The following SLC25A24 variants were observed in gnomAD, a reference collection of about 807,000 sequenced individuals.
SLC25A24 encodes mitochondrial adenyl nucleotide antiporter SLC25A24.
SLC25A24 carries 49 observed loss-of-function variants against 60.7 expected under a neutral mutation model. That is an observed-to-expected ratio of 0.81 (90% confidence interval 0.64 to 1.02). SLC25A24 has a LOEUF of 1.02. Ranked by LOEUF, SLC25A24 falls within the 50% of genes least tolerant of loss-of-function variation. The probability of loss-of-function intolerance (pLI) is 0.00; values close to 1 mark genes in which losing one functional copy is unlikely to be tolerated. For missense variants in SLC25A24, 564 were observed against 586.3 expected (o/e 0.96, Z 0.39); for synonymous variants, 202 against 200.6 (o/e 1.01, Z -0.06).
chr1:108,161,668 T>C (rs1370992265), intron 3 of SLC25A24, among the ~76,000 whole-genome samples: 1 of 152,254 alleles, frequency 6.6e-6, no homozygotes, highest in African/African-American at 2.4e-5. Context: ...AGATAATTCT[T>C]AATGTTCTAT....
intron 4 of SLC25A24, among the ~76,000 whole-genome samples, chr1:108,160,232 C>A (rs1443323928): frequency 6.6e-6 from 1 of 151,818 alleles, no homozygotes; most frequent in African/African-American, 2.4e-5. Context: ...TCCTCACATC[C>A]CAGACGGGGC....
Position 108,143,660 on chromosome 1 carries a change from T to C in SLC25A24, c.981A>G (p.Ile327Met), listed in dbSNP as rs1679508432. ...TCAAAATCTTCTTGGCACAATCATA[T>C]ATTCCAGAGTACTGCCCAGTTTTGC... Reference protein sequence around the residue: ...AVGKTGQYSGIYDCAKKILKH... With the variant: ...AVGKTGQYSGMYDCAKKILKH... Residue 327 changes from isoleucine to methionine, a missense_variant, in exon 8 of 10, where the codon ATA (isoleucine) becomes ATG (methionine). Ile to Met is a conservative substitution (Grantham distance 10, BLOSUM62 1). Coordinates refer to ENST00000565488, the MANE Select transcript of SLC25A24 (RefSeq NM_013386.5). 1 of 1,613,726 alleles carries C rather than the reference T, an allele frequency of 6.2e-7. No homozygotes were observed. Among genetic ancestry groups the C allele is most frequent in the African/African-American group, 1.3e-5 (1 of 74,916 alleles).
chr1:108,181,494 A>T (rs771136306), intron 3 of SLC25A24, among the ~76,000 whole-genome samples: 2 of 152,210 alleles, frequency 1.3e-5, no homozygotes, highest in Non-Finnish European at 2.9e-5. Context: ...CTGTTTTCTG[A>T]AAGTTTAAAC....
intron 3 of SLC25A24, among the ~76,000 whole-genome samples, chr1:108,175,076 T>C (rs916020048): frequency 6.6e-6 from 1 of 152,154 alleles, no homozygotes; most frequent in African/African-American, 2.4e-5. Flanking sequence ...AAAGGCATTA[T>C]TGTGTTTTGC....
At chr1:108,148,526 A>G (rs1217621880) in intron 6 of SLC25A24, 140 bp from the exon 7 acceptor site, 3 of 617,154 alleles carry the variant, frequency 4.9e-6, no homozygotes, top group Non-Finnish European at 8.7e-6. Context: ...TAGGGTTATG[A>G]GGTCATGAGG....
chr1:108,172,646 A>G (rs1251225216), intron 3 of SLC25A24, among the ~76,000 whole-genome samples: 2 of 152,236 alleles, frequency 1.3e-5, no homozygotes, highest in South Asian at 2.1e-4. Flanking sequence ...ACTGGAGGTC[A>G]TATTTCAACA....
chr1:108,175,198 A>T (rs481267), intron 3 of SLC25A24, among the ~76,000 whole-genome samples: 2 of 151,420 alleles, frequency 1.3e-5, no homozygotes, highest in Non-Finnish European at 3.0e-5. Context: ...CACATGTCAC[A>T]GGAGGGACCC....
chr1:108,179,405 CATATAT>C (rs745867236), intron 3 of SLC25A24, among the ~76,000 whole-genome samples: 8 of 151,862 alleles, frequency 5.3e-5, no homozygotes, highest in Non-Finnish European at 1.2e-4. Flanking sequence ...TGTGTGTATA[CATATAT>C]ATATACACAT....
At chr1:108,190,177 G>A (rs761843473) in intron 1 of SLC25A24, among the ~76,000 whole-genome samples, 1 of 152,158 alleles carries the variant, frequency 6.6e-6, no homozygotes, top group Non-Finnish European at 1.5e-5. Flanking sequence ...AAGCTTTACA[G>A]TGAGAAAAAG....
chr1:108,134,660 A>C lies in SLC25A24; in HGVS notation c.*1993T>G, dbSNP rs1454089676. On this transcript the variant is annotated 3_prime_UTR_variant, in exon 10 of 10. Coordinates refer to ENST00000565488, the MANE Select transcript of SLC25A24 (RefSeq NM_013386.5). Reference sequence around the variant, plus strand: ...AGGCCAAAATGTTTGGAAAGACTACATGGAGCCAGCTGTAAAAAGCATGAT... The same window carrying C: ...AGGCCAAAATGTTTGGAAAGACTACCTGGAGCCAGCTGTAAAAAGCATGAT... 1.3e-5 allele frequency: 2 copies of C among 152,184 alleles called. No homozygotes were observed. Among genetic ancestry groups the C allele is most frequent in the Non-Finnish European group, 2.9e-5 (2 of 68,024 alleles). The allele number at this position is 152,184 out of a possible 1,614,324, so 9.4% of individuals were successfully genotyped here.
intron 3 of SLC25A24, among the ~76,000 whole-genome samples, chr1:108,171,582 A>G (rs1318542444): frequency 6.6e-6 from 1 of 152,164 alleles, no homozygotes; most frequent in Non-Finnish European, 1.5e-5. Context: ...TTTCAGTAGC[A>G]TAATTCTACT....
chr1:108,185,046 G>C (rs1355915387), intron 2 of SLC25A24, among the ~76,000 whole-genome samples: 1 of 152,116 alleles, frequency 6.6e-6, no homozygotes, highest in African/African-American at 2.4e-5. Context: ...CCCATGATGG[G>C]ACTAGTGGCT....
intron 6 of SLC25A24, among the ~76,000 whole-genome samples, chr1:108,151,253 T>C (rs1184128846): frequency 6.6e-6 from 1 of 151,178 alleles, no homozygotes; most frequent in Non-Finnish European, 1.5e-5. Context: ...AAAAAACAAA[T>C]CCCCTCCACC....
chr1:108,145,531 T>C (rs568877991), intron 7 of SLC25A24, among the ~76,000 whole-genome samples: 2 of 152,318 alleles, frequency 1.3e-5, no homozygotes, highest in African/African-American at 4.8e-5. Flanking sequence ...TTTCTAGGGA[T>C]TTTATAGTTT....
At chr1:108,171,006 T>C (rs1343366535) in intron 3 of SLC25A24, among the ~76,000 whole-genome samples, 1 of 152,124 alleles carries the variant, frequency 6.6e-6, no homozygotes, top group African/African-American at 2.4e-5. Flanking sequence ...CAGGGCACAT[T>C]TTAGTGGAGT....
chr1:108,189,285 A>C (rs1648258927), intron 1 of SLC25A24, among the ~76,000 whole-genome samples: 1 of 152,184 alleles, frequency 6.6e-6, no homozygotes, highest in African/African-American at 2.4e-5. Context: ...TTCACTCTCT[A>C]CAGTTTCAGT....
rs745867236 is a variant in SLC25A24 at position 108,179,405 on chromosome 1, CAT to C, written c.398+2534_398+2535del. Among the ~76,000 whole-genome samples, 10 of 151,976 alleles carry C rather than the reference CAT, an allele frequency of 6.6e-5. No individual in the cohort carries two copies. In the South Asian group the frequency reaches 1.0e-3, roughly 16 times the overall value. ...ACCACTGTATGTATGTGTGTGTATA[CAT>C]ATATATATACACATATATAAAATGA... On this transcript the variant is annotated intron_variant, in intron 3 of 9. Coordinates refer to ENST00000565488, the MANE Select transcript of SLC25A24 (RefSeq NM_013386.5).
At chr1:108,165,989 G>A (rs534344843) in intron 3 of SLC25A24, among the ~76,000 whole-genome samples, 1 of 152,206 alleles carries the variant, frequency 6.6e-6, no homozygotes, top group Non-Finnish European at 1.5e-5. Flanking sequence ...GGCAGGCCTG[G>A]TGGTGACAAA....
rs890637164 is a variant in SLC25A24 at position 108,136,946 on chromosome 1, A to G, written c.1250-109T>C. The G allele has an allele frequency of 8.5e-6, 9 of 1,058,008 alleles. No individual in the cohort carries two copies. The African/African-American group carries it at 1.3e-4, about 15-fold the overall frequency. The allele number at this position is 1,058,008 out of a possible 1,614,324, so 65.5% of individuals were successfully genotyped here. A position where few individuals can be genotyped will look rare whatever the true frequency, so the allele number is the denominator to read the frequency against. ...TTCTAAAATACAGTAAAAGGACAAC[A>G]TTTATTCCAAGAAGCCCAAGACAAC... On this transcript the variant is annotated intron_variant, in intron 9 of 9. Transcript: ENST00000565488.
Sources: allele counts gnomAD v4.1 joint callset (sites outside exome capture counted in the v4.1 genomes callset), GRCh38; gene constraint gnomAD v4.1.1; transcripts MANE v1.5; gene names NCBI Gene and HGNC (gene_info 2026-07-23, HGNC 2026-07-21).